The following LRP1B variants were observed in gnomAD, a reference collection of about 807,000 sequenced individuals.
The protein encoded by LRP1B is low-density lipoprotein receptor-related protein 1B.
Under a neutral mutation model 556.6 loss-of-function variants are expected in LRP1B, and 217 were observed. The observed-to-expected ratio is 0.39, with a 90% confidence interval of 0.35 to 0.44. The LOEUF (loss-of-function observed/expected upper bound fraction) is 0.44. Ranked by LOEUF, LRP1B falls within the 20% of genes least tolerant of loss-of-function variation. LRP1B has a pLI of 1.00. For missense variants in LRP1B, 5,053 were observed against 5,620.8 expected (o/e 0.90, Z 3.23); for synonymous variants, 2,047 against 1,865.8 (o/e 1.10, Z -2.50).
At chr2:140,761,442 G>A (rs988296915) in intron 35 of LRP1B, among the ~76,000 whole-genome samples, 14 of 152,134 alleles carry the variant, frequency 9.2e-5, no homozygotes, top group African/African-American at 3.4e-4. Flanking sequence ...CATCTAGTTA[G>A]TAGCTTCTAA....
chr2:141,196,171 G>C (rs544239951), intron 6 of LRP1B, among the ~76,000 whole-genome samples: 14 of 152,100 alleles, frequency 9.2e-5, no homozygotes, highest in Admixed American at 3.3e-4. Flanking sequence ...CTATCATACA[G>C]TAAATGTGCA....
Position 142,015,849 on chromosome 2 carries a change from G to A in LRP1B, c.82+114799C>T, listed in dbSNP as rs184092348. Among the ~76,000 whole-genome samples, 1,069 of 151,802 alleles carry A rather than the reference G, an allele frequency of 7.0e-3. 12 individuals are homozygous for A. The highest frequency in any genetic ancestry group is 0.025 in the African/African-American group (1,017 of 41,472). ...TCTACTAAAATACAAAAAATTAGCC[G>A]GGCGTGGTGGCGGGCGCCTGTAGTC... is the stretch of plus-strand genomic sequence containing the variant. On this transcript the variant is annotated intron_variant, in intron 1 of 90. Coordinates refer to ENST00000389484, the MANE Select transcript of LRP1B (RefSeq NM_018557.3).
chr2:140,595,358 A>G (rs1293601747), intron 43 of LRP1B, among the ~76,000 whole-genome samples: 3 of 151,896 alleles, frequency 2.0e-5, no homozygotes, highest in Admixed American at 1.3e-4. Flanking sequence ...TCTAGGTACA[A>G]GCACACTAAA....
chr2:141,271,649 A>T (rs1685094862), intron 3 of LRP1B, among the ~76,000 whole-genome samples: 1 of 152,012 alleles, frequency 6.6e-6, no homozygotes, highest in Non-Finnish European at 1.5e-5. Flanking sequence ...CTCTCTTTAC[A>T]AAATTAGAAT....
chr2:141,984,066 A>C (rs1702117461), intron 1 of LRP1B, among the ~76,000 whole-genome samples: 1 of 152,192 alleles, frequency 6.6e-6, no homozygotes, highest in Admixed American at 6.5e-5. Flanking sequence ...CATCTCAAAA[A>C]TAAATAAATA....
chr2:140,730,200 T>C (rs1173064774), intron 35 of LRP1B, among the ~76,000 whole-genome samples: 1 of 152,208 alleles, frequency 6.6e-6, no homozygotes, highest in Non-Finnish European at 1.5e-5. Flanking sequence ...TCCTAAATGG[T>C]CGCCTTCCTT....
At chr2:141,551,674 T>C (rs551647502) in intron 2 of LRP1B, among the ~76,000 whole-genome samples, 16 of 151,982 alleles carry the variant, frequency 1.1e-4, no homozygotes, top group Non-Finnish European at 1.5e-4. Flanking sequence ...TGGAAAGGAG[T>C]GGCTTTTACA....
Position 140,517,256 on chromosome 2 carries a change from G to T in LRP1B, c.8027-245C>A, listed in dbSNP as rs74805740. On this transcript the variant is annotated intron_variant, in intron 49 of 90. Transcript: ENST00000389484. ...CCAGGATTGAGTCCTAGAACAGAAAGATTATAGTAATGTAAAATTGGTTTA... is the reference window on the plus strand; with the variant it reads ...CCAGGATTGAGTCCTAGAACAGAAATATTATAGTAATGTAAAATTGGTTTA... 9.2e-4 allele frequency among the ~76,000 whole-genome samples: 140 copies of T among 151,826 alleles called. 2 individuals are homozygous for T. The East Asian group carries it at 0.021, about 23-fold the overall frequency.
intron 15 of LRP1B, among the ~76,000 whole-genome samples, chr2:141,003,408 T>C (rs941292631): frequency 1.3e-5 from 2 of 152,016 alleles, no homozygotes; most frequent in Non-Finnish European, 2.9e-5. Context: ...GGTGATACGG[T>C]TTGGCTGTGT....
At chr2:141,222,184 C>T (rs542408397) in intron 6 of LRP1B, among the ~76,000 whole-genome samples, 1 of 152,088 alleles carries the variant, frequency 6.6e-6, no homozygotes, top group African/African-American at 2.4e-5. Context: ...TTCAAATAGA[C>T]AATATGAAAT....
At chr2:141,753,361 C>T (rs1440620523) in intron 2 of LRP1B, among the ~76,000 whole-genome samples, 1 of 147,770 alleles carries the variant, frequency 6.8e-6, no homozygotes, top group African/African-American at 2.5e-5. Context: ...TTTATTTCTC[C>T]TGTTCCAGTT....
At chr2:140,921,254 A>G (rs1325863993) in intron 21 of LRP1B, among the ~76,000 whole-genome samples, 1 of 151,910 alleles carries the variant, frequency 6.6e-6, no homozygotes, top group African/African-American at 2.4e-5. Context: ...TTCGCATCTC[A>G]ATTTGCTTTA....
At chr2:142,088,615 G>A (rs1008077785) in intron 1 of LRP1B, among the ~76,000 whole-genome samples, 4 of 152,036 alleles carry the variant, frequency 2.6e-5, no homozygotes, top group Non-Finnish European at 5.9e-5. Flanking sequence ...CAATAATAAT[G>A]CTTTGTTAAC....
chr2:141,824,485 G>C (rs1217413527), intron 1 of LRP1B, among the ~76,000 whole-genome samples: 1 of 151,940 alleles, frequency 6.6e-6, no homozygotes, highest in Non-Finnish European at 1.5e-5. Context: ...TCAGCCTCCC[G>C]AGTAGAGTAG....
At chr2:140,930,080 G>C (rs1280183275) in intron 20 of LRP1B, among the ~76,000 whole-genome samples, 1 of 151,974 alleles carries the variant, frequency 6.6e-6, no homozygotes, top group Non-Finnish European at 1.5e-5. Flanking sequence ...AGCCGGTATG[G>C]TTCCCCAGAG....
intron 1 of LRP1B, among the ~76,000 whole-genome samples, chr2:141,825,744 A>T (rs1696899722): frequency 6.6e-6 from 1 of 152,196 alleles, no homozygotes; most frequent in South Asian, 2.1e-4. Context: ...AATTTAAGTG[A>T]AATCTCATCA....
chr2:141,646,131 C>T (rs1198074807), intron 2 of LRP1B, among the ~76,000 whole-genome samples: 2 of 152,106 alleles, frequency 1.3e-5, no homozygotes, highest in Non-Finnish European at 2.9e-5. Context: ...CTCCCAGTTC[C>T]TATTTGCATA....
rs761796186 is a variant in LRP1B, at chr2:140,234,887, G to A, written c.13561-3C>T. 5 of 765,722 alleles carry A rather than the reference G, an allele frequency of 6.5e-6. No individual in the cohort carries two copies. The highest frequency in any genetic ancestry group is 1.2e-5 in the Non-Finnish European group (5 of 411,822). 47.4% of individuals were successfully genotyped at this position (765,722 alleles called of 1,614,324 possible). A position where few individuals can be genotyped will look rare whatever the true frequency, so the allele number is the denominator to read the frequency against. Reference sequence around the variant, plus strand: ...GGTCCTCCCCCTATGTACCTGGCCTGTATATAAACAGAAAATTTTAGTTTC... The same window carrying A: ...GGTCCTCCCCCTATGTACCTGGCCTATATATAAACAGAAAATTTTAGTTTC... On this transcript the variant is annotated splice_region_variant and splice_polypyrimidine_tract_variant and intron_variant, in intron 89 of 90. Coordinates refer to ENST00000389484, the MANE Select transcript of LRP1B (RefSeq NM_018557.3).
At chr2:141,924,457 CT>C (rs1700281981) in intron 1 of LRP1B, among the ~76,000 whole-genome samples, 6 of 152,250 alleles carry the variant, frequency 3.9e-5, no homozygotes, top group Non-Finnish European at 8.8e-5. Context: ...TGGGCAAGAG[CT>C]AAGGATACAG....
Sources: gnomAD v4.1 joint callset for allele counts (sites outside exome capture counted in the v4.1 genomes callset) on GRCh38, gnomAD v4.1.1 for gene constraint, MANE v1.5 for transcripts, NCBI Gene and HGNC (gene_info 2026-07-23, HGNC 2026-07-21) for gene names.